Variants in RACGAP1 observed in about 807,000 individuals in gnomAD.
RACGAP1 encodes the protein rac GTPase-activating protein 1.
Under a neutral mutation model 78.1 loss-of-function variants are expected in RACGAP1, and 30 were observed. The observed-to-expected ratio is 0.38, with a 90% CI of 0.29 to 0.52. RACGAP1 has a LOEUF of 0.52. Ranked by LOEUF, RACGAP1 falls within the 20% of genes least tolerant of loss-of-function variation. The pLI, the probability that RACGAP1 is intolerant of heterozygous loss-of-function variation, is 0.82. For missense variants in RACGAP1, 587 were observed against 777.1 expected (o/e 0.76, Z 2.91); for synonymous variants, 231 against 264.8 (o/e 0.87, Z 1.24).
At chr12:50,009,422 G>A (rs1356386944) in intron 2 of RACGAP1, among the ~76,000 whole-genome samples, 2 of 151,896 alleles carry the variant, frequency 1.3e-5, no homozygotes, top group Admixed American at 6.6e-5. Flanking sequence ...TCAGGATTTG[G>A]TTCATAGCTC....
rs550178411 is a variant in RACGAP1, at chr12:49,996,357, G to A, written c.1044+683C>T. ...AAAAAGAATGGACATGACCAGGCGCGGTGGCTCACGCCTGTAGTCTCAGCA... is the reference window on the plus strand; with the variant it reads ...AAAAAGAATGGACATGACCAGGCGCAGTGGCTCACGCCTGTAGTCTCAGCA... On this transcript the variant is annotated intron_variant, in intron 10 of 16. Coordinates refer to ENST00000312377, the MANE Select transcript of RACGAP1 (RefSeq NM_001319999.2). 4.0e-5 allele frequency among the ~76,000 whole-genome samples: 6 copies of A among 150,628 alleles called. No individual in the cohort carries two copies. The East Asian group carries it at 5.9e-4, about 15-fold the overall frequency.
At chr12:50,030,673 A>G (rs1019250873) in intron 2 of RACGAP1, among the ~76,000 whole-genome samples, 4 of 152,158 alleles carry the variant, frequency 2.6e-5, no homozygotes, top group African/African-American at 4.8e-5. Context: ...TGGGCGACAG[A>G]GTGAAACTCT....
intron 2 of RACGAP1, among the ~76,000 whole-genome samples, chr12:50,015,829 T>A (rs11835014): frequency 0.17 from 24,911 of 149,784 alleles, 3,479 homozygotes; most frequent in African/African-American, 0.39. Flanking sequence ...TAAAAAAATT[T>A]AAAAAAAAAT....
intron 2 of RACGAP1, among the ~76,000 whole-genome samples, chr12:50,011,206 C>T (rs777541113): frequency 6.7e-6 from 1 of 149,952 alleles, no homozygotes; most frequent in East Asian, 2.0e-4. Flanking sequence ...TGGTGGCATG[C>T]GCCTGTAATC....
At position 49,994,518 on chromosome 12, in the gene RACGAP1, A is replaced by G; in HGVS notation, c.1045-9T>C. 4 of 1,607,650 alleles carry G rather than the reference A, an allele frequency of 2.5e-6. No homozygotes were observed. Among genetic ancestry groups the G allele is most frequent in the Non-Finnish European group, 3.4e-6 (4 of 1,178,382 alleles). The stretch of plus-strand genomic sequence containing the variant: ...AAGTCTGCCAGCATTCCCTGGAAAA[A>G]AAAAAGAGCTTTAAATTATTATTTA... On this transcript the variant is annotated splice_polypyrimidine_tract_variant and intron_variant, in intron 10 of 16. Transcript: ENST00000312377.
At chr12:50,015,653 T>C (rs1949619608) in intron 2 of RACGAP1, among the ~76,000 whole-genome samples, 1 of 151,644 alleles carries the variant, frequency 6.6e-6, no homozygotes, top group East Asian at 1.9e-4. Context: ...TACAAAAAAA[T>C]TAGCCGGACG....
chr12:50,016,018 T>A (rs549752692), intron 2 of RACGAP1, among the ~76,000 whole-genome samples: 1 of 151,602 alleles, frequency 6.6e-6, no homozygotes, highest in Non-Finnish European at 1.5e-5. Flanking sequence ...AAAAGCAACA[T>A]CCTAGTAAAT....
chr12:50,002,458 G>C (rs1052732734), intron 5 of RACGAP1, among the ~76,000 whole-genome samples, 158 bp from the exon 6 acceptor site: 3 of 152,178 alleles, frequency 2.0e-5, no homozygotes, highest in African/African-American at 7.2e-5. Context: ...AAGTGTTGTA[G>C]CTATAGAGCT....
intron 2 of RACGAP1, among the ~76,000 whole-genome samples, chr12:50,012,837 G>A (rs544845810): frequency 6.6e-6 from 1 of 151,448 alleles, no homozygotes; most frequent in African/African-American, 2.4e-5. Flanking sequence ...GCCAAGGTGG[G>A]AGGATCACTT....
chr12:50,015,001 C>G lies in RACGAP1; in HGVS notation c.85+1630G>C, dbSNP rs550436083. ...GAGGTTGCAGTGAGCCGAGACCACACCAGTGCACTCCAGCCTGGGTGACAG... is the reference window on the plus strand; with the variant it reads ...GAGGTTGCAGTGAGCCGAGACCACAGCAGTGCACTCCAGCCTGGGTGACAG... On this transcript the variant is annotated intron_variant, in intron 2 of 16. Coordinates refer to ENST00000312377, the MANE Select transcript of RACGAP1 (RefSeq NM_001319999.2). Among the ~76,000 whole-genome samples the G allele has an allele frequency of 2.1e-4, 32 of 150,216 alleles. No homozygotes were observed. The South Asian group carries it at 6.1e-3, about 29-fold the overall frequency.
chr12:50,026,631 A>G (rs1950272183), upstream of RACGAP1, among the ~76,000 whole-genome samples: 1 of 152,120 alleles, frequency 6.6e-6, no homozygotes, highest in South Asian at 2.1e-4. Flanking sequence ...CACCATAAAT[A>G]TATAAAATTG....
intron 1 of RACGAP1, among the ~76,000 whole-genome samples, chr12:50,024,599 C>T (rs972038367): frequency 6.6e-6 from 1 of 152,114 alleles, no homozygotes; most frequent in African/African-American, 2.4e-5. Context: ...GACCAGACCT[C>T]ACCACGACGC....
intron 1 of RACGAP1, among the ~76,000 whole-genome samples, chr12:50,024,646 T>C (rs1185515349): frequency 6.6e-6 from 1 of 152,114 alleles, no homozygotes; most frequent in Admixed American, 6.5e-5. Flanking sequence ...TTGTACCCCC[T>C]AAATATACAA....
Position 49,990,217 on chromosome 12 carries a change from T to G in RACGAP1, c.*51A>C. 6.8e-7 allele frequency: 1 copy of G among 1,471,500 alleles called. No individual in the cohort carries two copies. Among genetic ancestry groups the G allele is most frequent in the Non-Finnish European group, 9.5e-7 (1 of 1,051,704 alleles). 91.2% of individuals were successfully genotyped at this position (1,471,500 alleles called of 1,614,324 possible). ...GAGGCTGCAGAGCAGAGTACAGATG[T>G]GTCCTTTCTTATAGTCAGTCAATGC... On this transcript the variant is annotated 3_prime_UTR_variant, in exon 17 of 17. Transcript: ENST00000312377.
At chr12:50,011,137 G>C (rs1165890444) in intron 2 of RACGAP1, among the ~76,000 whole-genome samples, 1 of 151,740 alleles carries the variant, frequency 6.6e-6, no homozygotes, top group African/African-American at 2.4e-5. Context: ...AGGAGTTCAA[G>C]ACCAGCCTGG....
At chr12:49,998,858 C>A (rs1364570592) in intron 9 of RACGAP1, among the ~76,000 whole-genome samples, 1 of 151,274 alleles carries the variant, frequency 6.6e-6, no homozygotes, top group East Asian at 2.0e-4. Context: ...TGATTACACC[C>A]CTGCACTCCA....
chr12:50,001,373 A>C (rs1356404054), intron 6 of RACGAP1, 121 bp from the exon 7 acceptor site: 2 of 635,284 alleles, frequency 3.1e-6, no homozygotes, highest in Non-Finnish European at 5.4e-6. Context: ...AGTAAATAAC[A>C]AACAATGTGT....
upstream of RACGAP1, among the ~76,000 whole-genome samples, chr12:50,029,049 C>G (rs706785): frequency 0.72 from 110,157 of 151,952 alleles, 46,494 homozygotes; most frequent in Non-Finnish European, 0.93. Flanking sequence ...AACCCTGTCT[C>G]TACTAAAATA....
At chr12:50,026,858 T>C (rs1950277159), upstream of RACGAP1, among the ~76,000 whole-genome samples, 1 of 152,188 alleles carries the variant, frequency 6.6e-6, no homozygotes, top group Non-Finnish European at 1.5e-5. Flanking sequence ...TTGTTTATCT[T>C]TTGTAGAGAA....
Sources: gnomAD v4.1 joint callset for allele counts (sites outside exome capture counted in the v4.1 genomes callset) on GRCh38, gnomAD v4.1.1 for gene constraint, MANE v1.5 for transcripts, NCBI Gene and HGNC (gene_info 2026-07-23, HGNC 2026-07-21) for gene names.